The following SLC9A9 variants were observed in gnomAD, a reference collection of about 807,000 sequenced individuals.
SLC9A9 encodes the protein sodium/hydrogen exchanger 9.
Under a neutral mutation model 77.8 loss-of-function variants are expected in SLC9A9, and 62 were observed. That is an observed-to-expected ratio of 0.80 (90% confidence interval 0.65 to 0.98). The LOEUF is 0.98. Among genes scored for constraint, SLC9A9 ranks in the 50% least tolerant of loss-of-function variants. SLC9A9 has a pLI of 0.00. For missense variants in SLC9A9, 775 were observed against 774.9 expected (o/e 1.00, Z 0.00); for synonymous variants, 320 against 283.5 (o/e 1.13, Z -1.29).
chr3:143,846,223 T>C (rs1268292611), intron 1 of SLC9A9, among the ~76,000 whole-genome samples: 2 of 152,208 alleles, frequency 1.3e-5, no homozygotes, highest in East Asian at 3.8e-4. Flanking sequence ...AAATGAGTCA[T>C]AGTTCAATCA....
intron 14 of SLC9A9, among the ~76,000 whole-genome samples, chr3:143,275,482 A>G (rs7617034): frequency 0.26 from 39,764 of 152,018 alleles, 8,855 homozygotes; most frequent in African/African-American, 0.61. Flanking sequence ...AGGGACTCCT[A>G]TTCTCTAGAT....
chr3:143,667,635 GA>G (rs1391963929), intron 5 of SLC9A9, among the ~76,000 whole-genome samples: 1 of 151,962 alleles, frequency 6.6e-6, no homozygotes, highest in Non-Finnish European at 1.5e-5. Context: ...AAATTTACAA[GA>G]AAAAAATCAA....
At chr3:143,467,739 G>C (rs1014817142) in intron 11 of SLC9A9, among the ~76,000 whole-genome samples, 4 of 150,502 alleles carry the variant, frequency 2.7e-5, no homozygotes, top group Non-Finnish European at 4.5e-5. Context: ...GAGAGAGAGA[G>C]AGAGAGAGAG....
At chr3:143,776,538 C>A (rs1370038148) in intron 4 of SLC9A9, among the ~76,000 whole-genome samples, 3 of 152,078 alleles carry the variant, frequency 2.0e-5, no homozygotes, top group Non-Finnish European at 4.4e-5. Context: ...TTCTTTCCTC[C>A]TTTTTTTGAA....
intron 6 of SLC9A9, among the ~76,000 whole-genome samples, chr3:143,588,700 A>G (rs1010741391): frequency 1.3e-5 from 2 of 152,250 alleles, no homozygotes; most frequent in Non-Finnish European, 2.9e-5. Context: ...TATACCTAAT[A>G]TTGAGAGGAA....
intron 5 of SLC9A9, among the ~76,000 whole-genome samples, chr3:143,666,703 C>A (rs540595595): frequency 6.6e-6 from 1 of 152,096 alleles, no homozygotes; most frequent in African/African-American, 2.4e-5. Flanking sequence ...AGACAGAGAG[C>A]CAAAGCATGA....
At chr3:143,480,858 G>A (rs924551175) in intron 11 of SLC9A9, among the ~76,000 whole-genome samples, 3 of 152,176 alleles carry the variant, frequency 2.0e-5, no homozygotes, top group African/African-American at 7.2e-5. Flanking sequence ...AAAGAGGTAA[G>A]CTTGGACAAA....
chr3:143,719,484 C>T (rs1439498654), intron 4 of SLC9A9, among the ~76,000 whole-genome samples: 1 of 152,058 alleles, frequency 6.6e-6, no homozygotes, highest in Non-Finnish European at 1.5e-5. Context: ...GTTCTGGATC[C>T]TCAGCATTTA....
intron 2 of SLC9A9, among the ~76,000 whole-genome samples, chr3:143,797,869 C>T (rs565574131): frequency 7.9e-5 from 12 of 152,162 alleles, no homozygotes; most frequent in Non-Finnish European, 1.5e-4. Context: ...CCCACCTGCA[C>T]CCAGGTGATT....
chr3:143,530,679 A>AAAAC (rs777765501), intron 9 of SLC9A9, among the ~76,000 whole-genome samples: 19 of 151,822 alleles, frequency 1.3e-4, no homozygotes, highest in Non-Finnish European at 1.9e-4. Context: ...ACAAACAAAA[A>AAAAC]CCAAAAACAC....
At chr3:143,496,278 T>C (rs2035832308) in intron 9 of SLC9A9, among the ~76,000 whole-genome samples, 1 of 152,226 alleles carries the variant, frequency 6.6e-6, no homozygotes, top group Non-Finnish European at 1.5e-5. Context: ...AGGGAAATGT[T>C]CCAGGGGCTA....
In SLC9A9 at chr3:143,330,822, C is replaced by T. The variant is rs182334202; in HGVS notation, c.1604+32662G>A. Among the ~76,000 whole-genome samples, 7 of 152,218 alleles carry T rather than the reference C, an allele frequency of 4.6e-5. No individual in the cohort carries two copies. The East Asian group carries it at 7.7e-4, about 17-fold the overall frequency. The stretch of plus-strand genomic sequence containing the variant: ...TATGAATTTTAAACTTTTGGATGCC[C>T]GCAGAACATGAAAAGCACTTTATGA... On this transcript the variant is annotated intron_variant, in intron 14 of 15. Transcript: ENST00000316549.
chr3:143,765,149 C>T (rs1223099661), intron 4 of SLC9A9, among the ~76,000 whole-genome samples: 1 of 141,084 alleles, frequency 7.1e-6, no homozygotes, highest in Non-Finnish European at 1.5e-5. Flanking sequence ...TTCTTTCTTT[C>T]TCTCTTTCTT....
At chr3:143,358,136 A>G (rs2032645251) in intron 14 of SLC9A9, among the ~76,000 whole-genome samples, 1 of 151,968 alleles carries the variant, frequency 6.6e-6, no homozygotes, top group Admixed American at 6.6e-5. Flanking sequence ...ACATTTCCTG[A>G]AGTGGATTCC....
At chr3:143,399,974 A>T (rs1347777629) in intron 12 of SLC9A9, among the ~76,000 whole-genome samples, 1 of 152,218 alleles carries the variant, frequency 6.6e-6, no homozygotes, top group Non-Finnish European at 1.5e-5. Context: ...TCTTTAAAGT[A>T]CATACGGTGA....
chr3:143,742,214 G>A (rs73154712), intron 4 of SLC9A9, among the ~76,000 whole-genome samples: 8,208 of 152,004 alleles, frequency 0.054, 279 homozygotes, highest in Middle Eastern at 0.075. Flanking sequence ...AAGACAGTTC[G>A]AACTCCCTAG....
At chr3:143,451,085 T>C (rs925846391) in intron 12 of SLC9A9, among the ~76,000 whole-genome samples, 4 of 151,736 alleles carry the variant, frequency 2.6e-5, no homozygotes, top group African/African-American at 7.3e-5. Flanking sequence ...TGCTTTTGAA[T>C]CATCTCCAAA....
At chr3:143,303,406 G>T (rs1262220099) in intron 14 of SLC9A9, among the ~76,000 whole-genome samples, 1 of 151,654 alleles carries the variant, frequency 6.6e-6, no homozygotes, top group East Asian at 1.9e-4. Flanking sequence ...AGGGAAGGAG[G>T]CAAGGCCTCT....
intron 14 of SLC9A9, among the ~76,000 whole-genome samples, chr3:143,317,242 C>A (rs1384807584): frequency 6.6e-6 from 1 of 152,186 alleles, no homozygotes; most frequent in Non-Finnish European, 1.5e-5. Context: ...CTCTGTCCAA[C>A]TAGCCATCAG....
Sources: allele counts gnomAD v4.1 joint callset (sites outside exome capture counted in the v4.1 genomes callset), GRCh38; gene constraint gnomAD v4.1.1; transcripts MANE v1.5; gene names NCBI Gene and HGNC (gene_info 2026-07-23, HGNC 2026-07-21).